CIBAR1: variants seen among roughly 807,000 people sequenced by gnomAD.
The protein encoded by CIBAR1 is CBY1 interacting BAR domain containing 1, also known as CBY1-interacting BAR domain-containing protein 1.
CIBAR1 carries 25 observed loss-of-function variants against 44.0 expected under a neutral mutation model. The ratio of observed to expected loss-of-function variants is 0.57; its 90% CI spans 0.41 to 0.79. The LOEUF (loss-of-function observed/expected upper bound fraction) is 0.79. Among genes scored for constraint, CIBAR1 ranks in the 30% least tolerant of loss-of-function variants. The pLI is 0.00. For missense variants in CIBAR1, 278 were observed against 344.8 expected (o/e 0.81, Z 1.53); for synonymous variants, 115 against 119.0 (o/e 0.97, Z 0.22).
At chr8:93,724,833 A>T (rs576138886) in intron 7 of CIBAR1, among the ~76,000 whole-genome samples, 9 of 152,332 alleles carry the variant, frequency 5.9e-5, no homozygotes, top group Admixed American at 3.9e-4. Flanking sequence ...CAGAACAGCA[A>T]GCATTTCCAT....
rs1460951972 is a variant in CIBAR1 at position 93,730,089 on chromosome 8, GTGAAATTTCAGAT to G, written c.*1794_*1806del. On this transcript the variant is annotated 3_prime_UTR_variant, in exon 9 of 9. Coordinates refer to ENST00000518322, the MANE Select transcript of CIBAR1 (RefSeq NM_145269.5). ...AAAAAGTTTGTGATTTTCGGAGCAT[GTGAAATTTCAGAT>G]TACCAGATTAGGAATACTCAACCTG... The G allele has an allele frequency of 2.6e-5, 4 of 152,160 alleles. No homozygotes were observed. Among genetic ancestry groups the G allele is most frequent in the Admixed American group, 6.5e-5 (1 of 15,278 alleles). The allele number at this position is 152,160 out of a possible 1,614,324, so 9.4% of individuals were successfully genotyped here.
intron 6 of CIBAR1, among the ~76,000 whole-genome samples, chr8:93,713,604 A>T (rs188744079): frequency 1.3e-5 from 2 of 152,184 alleles, no homozygotes; most frequent in Non-Finnish European, 2.9e-5. Flanking sequence ...TCTCTTAACA[A>T]TTTTATAGTT....
chr8:93,700,637 C>T lies in CIBAR1; in HGVS notation c.-11C>T. 2 of 1,499,254 alleles carry T rather than the reference C, an allele frequency of 1.3e-6. No homozygotes were observed. The highest frequency in any genetic ancestry group is 2.3e-5 in the Admixed American group (1 of 43,740). 92.9% of individuals were successfully genotyped at this position (1,499,254 alleles called of 1,614,324 possible). ...GGCCCCCGCAAGGTCCCCGGCCGTG[C>T]GCGAGGCAGCATGATGAGGCGCACC... On this transcript the variant is annotated 5_prime_UTR_variant, in exon 1 of 9. Coordinates refer to ENST00000518322, the MANE Select transcript of CIBAR1 (RefSeq NM_145269.5).
intron 7 of CIBAR1, among the ~76,000 whole-genome samples, chr8:93,720,409 A>G (rs749883392): frequency 4.8e-4 from 73 of 152,204 alleles, no homozygotes; most frequent in Admixed American, 1.1e-3. Context: ...TACATATTAC[A>G]GTATGTGTAT....
chr8:93,725,994 T>G (rs549791370), intron 7 of CIBAR1: 1 of 157,522 alleles, frequency 6.3e-6, no homozygotes, highest in African/African-American at 2.4e-5. Context: ...TTTACTCTTA[T>G]GTAATTTTCA....
intron 4 of CIBAR1, chr8:93,705,574 A>G (rs1339947898): frequency 6.6e-6 from 1 of 152,402 alleles, no homozygotes; most frequent in East Asian, 1.9e-4. Context: ...CTTAAACTAC[A>G]ATGTGCCTTG....
At chr8:93,709,920 T>A in intron 6 of CIBAR1, 45 bp downstream of exon 6, 1 of 1,405,066 alleles carries the variant, frequency 7.1e-7, no homozygotes, top group South Asian at 1.3e-5. Context: ...TTTAACCTTT[T>A]TTTTTACTTT....
Position 93,729,046 on chromosome 8 carries a change from A to G in CIBAR1, c.*749A>G, listed in dbSNP as rs762066514. Reference sequence around the variant, plus strand: ...TTACCAAGCTACCATATAGTTAATAAAAGGGTATACAGTCACTTTTATTTC... The same window carrying G: ...TTACCAAGCTACCATATAGTTAATAGAAGGGTATACAGTCACTTTTATTTC... On this transcript the variant is annotated 3_prime_UTR_variant, in exon 9 of 9. Coordinates refer to ENST00000518322, the MANE Select transcript of CIBAR1 (RefSeq NM_145269.5). 17 of 152,132 alleles carry G rather than the reference A, an allele frequency of 1.1e-4. No individual in the cohort carries two copies. Among genetic ancestry groups the G allele is most frequent in the Non-Finnish European group, 2.4e-4 (16 of 67,970 alleles). 9.4% of individuals were successfully genotyped at this position (152,132 alleles called of 1,614,324 possible).
At chr8:93,703,507 T>C in intron 2 of CIBAR1, 113 bp from the exon 3 acceptor site, 3 of 600,720 alleles carry the variant, frequency 5.0e-6, no homozygotes, top group Non-Finnish European at 5.6e-6. Flanking sequence ...TTAACAGTTT[T>C]TAATGTGTTT....
intron 6 of CIBAR1, chr8:93,715,502 CT>C (rs1236568946): frequency 6.6e-6 from 1 of 152,054 alleles, no homozygotes; most frequent in Non-Finnish European, 1.5e-5. Flanking sequence ...CAGATTTTTC[CT>C]ATGCATATAT....
intron 6 of CIBAR1, among the ~76,000 whole-genome samples, chr8:93,710,481 G>A (rs150312673): frequency 1.6e-4 from 24 of 152,052 alleles, no homozygotes; most frequent in African/African-American, 5.5e-4. Context: ...TTATATGCCA[G>A]GCACTTTACA....
intron 7 of CIBAR1, chr8:93,725,750 AAAG>A (rs1291358859): frequency 6.6e-6 from 1 of 152,170 alleles, no homozygotes; most frequent in African/African-American, 2.4e-5. Context: ...TTTTAAAGAG[AAAG>A]AAGGAAAAGG....
chr8:93,724,093 T>G (rs1811378716), intron 7 of CIBAR1, among the ~76,000 whole-genome samples: 1 of 151,852 alleles, frequency 6.6e-6, no homozygotes, highest in African/African-American at 2.4e-5. Context: ...TTAGCCAGAG[T>G]ACCCCTGTGG....
rs994679806 is a variant in CIBAR1, at chr8:93,709,857, G to A, written c.525G>A (p.Gln175=). ...LEETINNFER[Q]KMKDIKTIFS... is the part of the protein sequence containing the mutation. ...AAACTATTAACAACTTTGAAAGGCAGAAAATGAAGGATATAAAGGTAATAA... is the reference window on the plus strand; with the variant it reads ...AAACTATTAACAACTTTGAAAGGCAAAAAATGAAGGATATAAAGGTAATAA... Residue 175 remains glutamine, a synonymous_variant, in exon 6 of 9, where the codon CAG becomes CAA. Coordinates refer to ENST00000518322, the MANE Select transcript of CIBAR1 (RefSeq NM_145269.5). 6.2e-7 allele frequency: 1 copy of A among 1,610,590 alleles called. No individual in the cohort carries two copies. Among genetic ancestry groups the A allele is most frequent in the Non-Finnish European group, 8.5e-7 (1 of 1,178,182 alleles).
intron 7 of CIBAR1, chr8:93,724,511 G>C (rs1157811987): frequency 1.3e-6 from 1 of 751,798 alleles, no homozygotes; most frequent in Non-Finnish European, 2.0e-6. Context: ...TTTTTGTAGA[G>C]ATGGAGTTTC....
chr8:93,723,233 T>G (rs1254707250), intron 7 of CIBAR1, among the ~76,000 whole-genome samples: 3 of 152,304 alleles, frequency 2.0e-5, no homozygotes, highest in South Asian at 4.1e-4. Context: ...CCTGACCTCA[T>G]GATCCGCCCG....
Position 93,730,399 on chromosome 8 carries a change from T to C in CIBAR1, c.*2102T>C, listed in dbSNP as rs1286911246. 6.6e-6 allele frequency: 1 copy of C among 152,186 alleles called. No individual in the cohort carries two copies. The highest frequency in any genetic ancestry group is 2.4e-5 in the African/African-American group (1 of 41,444). 9.4% of individuals were successfully genotyped at this position (152,186 alleles called of 1,614,324 possible). On this transcript the variant is annotated 3_prime_UTR_variant, in exon 9 of 9. Coordinates refer to ENST00000518322, the MANE Select transcript of CIBAR1 (RefSeq NM_145269.5). ...TTTCTAGACATGATCTACATTTTTT[T>C]AGATAATTTCTAGACAAAAATGTTT...
At chr8:93,710,688 G>A (rs183525384) in intron 6 of CIBAR1, among the ~76,000 whole-genome samples, 2 of 152,110 alleles carry the variant, frequency 1.3e-5, no homozygotes, top group East Asian at 3.9e-4. Flanking sequence ...ACAAAAATTA[G>A]CCAGGCGTGA....
intron 7 of CIBAR1, among the ~76,000 whole-genome samples, chr8:93,725,152 GT>G (rs914232485): frequency 1.3e-5 from 2 of 151,726 alleles, no homozygotes; most frequent in African/African-American, 2.4e-5. Flanking sequence ...CTGGCTGATT[GT>G]TTTTTTGTTT....
Sources: allele counts gnomAD v4.1 joint callset (sites outside exome capture counted in the v4.1 genomes callset), GRCh38; gene constraint gnomAD v4.1.1; transcripts MANE v1.5; gene names NCBI Gene and HGNC (gene_info 2026-07-23, HGNC 2026-07-21).